IGF1R: variants seen among roughly 807,000 people sequenced by gnomAD.
IGF1R encodes insulin-like growth factor 1 receptor.
In IGF1R, 44 loss-of-function variants were observed where a neutral mutation model predicts 144.6. The observed-to-expected ratio is 0.30, with a 90% CI of 0.24 to 0.39. The LOEUF (loss-of-function observed/expected upper bound fraction) is 0.39, where lower values mean the gene tolerates loss of function less well. Ranked by LOEUF, IGF1R falls within the 10% of genes least tolerant of loss-of-function variation. The probability of loss-of-function intolerance (pLI) is 1.00; values close to 1 mark genes in which losing one functional copy is unlikely to be tolerated. For missense variants in IGF1R, 1,355 were observed against 1,833.7 expected, an observed-to-expected ratio of 0.74 and a Z score of 4.77; for synonymous variants, 795 against 722.8, an observed-to-expected ratio of 1.10 and a Z score of -1.60.
At chr15:98,711,265 C>T (rs1419564516) in intron 2 of IGF1R, among the ~76,000 whole-genome samples, 1 of 152,178 alleles carries the variant, frequency 6.6e-6, no homozygotes, top group African/African-American at 2.4e-5. Flanking sequence ...ACAGAAGAAT[C>T]CCATTCAGGT....
At position 98,707,624 on chromosome 15, in the gene IGF1R, A is replaced by T. The variant is rs371790321; in HGVS notation, c.157A>T (p.Thr53Ser). The change falls in exon 2 of 21, where the codon ACG becomes TCG. Residue 53 changes from threonine (T) to serine (S), a missense_variant. By Grantham distance (58) the Thr-to-Ser change is moderately conservative. Around this residue, in one of 7 missense-constraint regions of IGF1R, gnomAD observed 75 missense variants for 160.0 expected, o/e 0.47. Transcript: ENST00000650285. This position sits in a 1 kb window ranked among gnomAD's most constrained non-coding sequence, Gnocchi z 6.7. ...GCAGCTGAAGCGCCTGGAGAACTGCACGGTGATCGAGGGCTACCTCCACAT... is the reference window on the plus strand; with the variant it reads ...GCAGCTGAAGCGCCTGGAGAACTGCTCGGTGATCGAGGGCTACCTCCACAT... ...YQQLKRLENC[T>S]VIEGYLHILL... is the part of the protein sequence containing the mutation. 1 of 1,614,196 alleles carries T rather than the reference A, an allele frequency of 6.2e-7. No homozygotes were observed.
At chr15:98,866,824 A>C (rs1446152829) in intron 2 of IGF1R, among the ~76,000 whole-genome samples, 4 of 152,210 alleles carry the variant, frequency 2.6e-5, no homozygotes, top group Non-Finnish European at 5.9e-5. Flanking sequence ...TGAAAGTGAA[A>C]GTTTTAAAAG....
intron 9 of IGF1R, chr15:98,916,409 GCAC>G (rs2015251109): frequency 1.8e-6 from 1 of 559,982 alleles, no homozygotes; most frequent in East Asian, 3.2e-5. Context: ...TTACAGGCAT[GCAC>G]CACCATGCCC....
At chr15:98,666,355 A>G (rs2052737624) in intron 1 of IGF1R, among the ~76,000 whole-genome samples, 1 of 152,028 alleles carries the variant, frequency 6.6e-6, no homozygotes, top group South Asian at 2.1e-4. Context: ...GAATTGCCAT[A>G]TGATCCAGCA....
rs1345546886 is a variant in IGF1R, at chr15:98,708,095, C to T, written c.628C>T (p.Arg210Cys). 16 of 1,613,162 alleles carry T rather than the reference C, an allele frequency of 9.9e-6. 1 individual carries two copies. In the Middle Eastern group the frequency reaches 5.3e-4, roughly 54 times the overall value. Reference protein sequence around the residue: ...EYNYRCWTTNRCQKMCPSTCG... With the variant: ...EYNYRCWTTNCCQKMCPSTCG... ...CAACTACCGCTGCTGGACCACAAACCGCTGCCAGAAAAGTAAGAATGATGC... is the reference window on the plus strand; with the variant it reads ...CAACTACCGCTGCTGGACCACAAACTGCTGCCAGAAAAGTAAGAATGATGC... The change falls in exon 2 of 21, where the codon CGC becomes TGC. Residue 210 changes from arginine to cysteine, a missense_variant. By Grantham distance (180) the Arg-to-Cys change is radical. Transcript: ENST00000650285.
At chr15:98,790,647 G>A (rs1357955981) in intron 2 of IGF1R, among the ~76,000 whole-genome samples, 1 of 152,158 alleles carries the variant, frequency 6.6e-6, no homozygotes, top group Non-Finnish European at 1.5e-5. Flanking sequence ...GCCTCGAGGG[G>A]CTATGTGGAA....
intron 1 of IGF1R, among the ~76,000 whole-genome samples, chr15:98,686,560 A>AT (rs577939018): frequency 3.3e-5 from 5 of 151,694 alleles, no homozygotes; most frequent in African/African-American, 1.2e-4. Context: ...ATTTTTATTT[A>AT]TTTTTTTAAA....
chr15:98,881,566 A>G lies in IGF1R; in HGVS notation c.641-9759A>G, dbSNP rs1048852484. ...TTGAACTCTTGACCTCAGGTGATCC[A>G]CCCGTCTCGGCCTTCCAAAGTGCTG... On this transcript the variant is annotated intron_variant, in intron 2 of 20. Coordinates refer to ENST00000650285, the MANE Select transcript of IGF1R (RefSeq NM_000875.5). Among the ~76,000 whole-genome samples the G allele has an allele frequency of 2.6e-5, 4 of 152,158 alleles. No individual in the cohort carries two copies. In the East Asian group the frequency reaches 7.7e-4, roughly 29 times the overall value.
At chr15:98,686,577 A>G (rs2053334227) in intron 1 of IGF1R, among the ~76,000 whole-genome samples, 1 of 151,970 alleles carries the variant, frequency 6.6e-6, no homozygotes, top group Non-Finnish European at 1.5e-5. Flanking sequence ...TAAATTTTTT[A>G]TAGTAGCTAT....
At chr15:98,652,558 G>T (rs2052394711) in intron 1 of IGF1R, among the ~76,000 whole-genome samples, 2 of 152,208 alleles carry the variant, frequency 1.3e-5, no homozygotes, top group African/African-American at 4.8e-5. Flanking sequence ...CATAATGTTT[G>T]ATTTGTCGAA....
At chr15:98,686,509 C>A (rs956169444) in intron 1 of IGF1R, among the ~76,000 whole-genome samples, 6 of 152,124 alleles carry the variant, frequency 3.9e-5, no homozygotes, top group Admixed American at 1.3e-4. Context: ...TCCATGTAGA[C>A]TGCATAAGAA....
intron 2 of IGF1R, among the ~76,000 whole-genome samples, chr15:98,884,452 T>A (rs1026715024): frequency 6.6e-6 from 1 of 152,030 alleles, no homozygotes; most frequent in Admixed American, 6.6e-5. Flanking sequence ...CCCAGCACTT[T>A]GGGAGGCCAA....
chr15:98,906,203 G>C (rs544512821), intron 5 of IGF1R, among the ~76,000 whole-genome samples: 2 of 152,298 alleles, frequency 1.3e-5, no homozygotes, highest in East Asian at 1.9e-4. Flanking sequence ...TTCCTCCCGT[G>C]GGGGAGAAGA....
intron 3 of IGF1R, among the ~76,000 whole-genome samples, chr15:98,895,092 G>A (rs936050563): frequency 6.6e-6 from 1 of 152,000 alleles, no homozygotes; most frequent in African/African-American, 2.4e-5. Context: ...GGGACATTGG[G>A]GACTAGGTTG....
intron 15 of IGF1R, among the ~76,000 whole-genome samples, chr15:98,933,935 A>T (rs1193883264): frequency 6.6e-6 from 1 of 152,226 alleles, no homozygotes; most frequent in African/African-American, 2.4e-5. Context: ...TCCTACCAAT[A>T]ATGCAGTTCA....
chr15:98,694,945 A>G (rs2141238545), intron 1 of IGF1R, among the ~76,000 whole-genome samples: 2 of 152,342 alleles, frequency 1.3e-5, no homozygotes, highest in Middle Eastern at 6.8e-3. Flanking sequence ...GATGAGTGGC[A>G]GTTGCCTGAT....
At chr15:98,915,489 G>T (rs2684808) in intron 8 of IGF1R, among the ~76,000 whole-genome samples, 3 of 151,914 alleles carry the variant, frequency 2.0e-5, no homozygotes, top group South Asian at 4.1e-4. Flanking sequence ...GACTCTCCAG[G>T]CCCCTTTCCA....
chr15:98,865,422 T>A (rs1021186473), intron 2 of IGF1R, among the ~76,000 whole-genome samples: 4 of 152,180 alleles, frequency 2.6e-5, no homozygotes, highest in Non-Finnish European at 5.9e-5. Flanking sequence ...GCTGGGCTCC[T>A]GCAGCCGCCA....
At chr15:98,865,472 G>A (rs916550052) in intron 2 of IGF1R, among the ~76,000 whole-genome samples, 4 of 152,164 alleles carry the variant, frequency 2.6e-5, no homozygotes, top group African/African-American at 4.8e-5. Flanking sequence ...CGTGCATAGC[G>A]GCCACGTGAC....
Sources: gnomAD v4.1 joint callset for allele counts (sites outside exome capture counted in the v4.1 genomes callset) on GRCh38, gnomAD v4.1.1 for gene constraint, gnomAD v4.1.1 regional missense constraint, Gnocchi (gnomAD v3.1) non-coding constraint, MANE v1.5 for transcripts, NCBI Gene and HGNC (gene_info 2026-07-23, HGNC 2026-07-21) for gene names.